The following RORA variants were observed in gnomAD, a reference collection of about 807,000 sequenced individuals.
RORA encodes the protein RAR related orphan receptor A.
A neutral mutation model predicts 69.5 loss-of-function variants in RORA; 7 were observed. The observed-to-expected ratio is 0.10, with a 90% CI of 0.06 to 0.19. The LOEUF is 0.19. Ranked by LOEUF, RORA falls within the 10% of genes least tolerant of loss-of-function variation. The pLI is 1.00. For synonymous variants in RORA, 261 were observed against 240.8 expected, an observed-to-expected ratio of 1.08 and a Z score of -0.78; for missense variants, 457 against 663.0, an observed-to-expected ratio of 0.69 and a Z score of 3.41.
At chr15:61,064,186 G>C (rs191573489) in intron 1 of RORA, among the ~76,000 whole-genome samples, 44 of 152,320 alleles carry the variant, frequency 2.9e-4, no homozygotes, top group African/African-American at 1.0e-3. Context: ...CAGGGAGGGA[G>C]TGCCTGTGTG....
At chr15:60,586,700 T>C (rs1023531802) in intron 2 of RORA, among the ~76,000 whole-genome samples, 3 of 152,192 alleles carry the variant, frequency 2.0e-5, no homozygotes, top group African/African-American at 7.2e-5. Flanking sequence ...TGTTCCAGCA[T>C]AACCAGATAA....
chr15:60,869,025 C>A (rs771857196), intron 1 of RORA, among the ~76,000 whole-genome samples: 1 of 152,142 alleles, frequency 6.6e-6, no homozygotes, highest in South Asian at 2.1e-4. Flanking sequence ...TTACCATCAA[C>A]CTCGGACCAA....
chr15:60,863,956 G>A (rs1029144745), intron 1 of RORA, among the ~76,000 whole-genome samples: 7 of 152,146 alleles, frequency 4.6e-5, no homozygotes, highest in African/African-American at 1.7e-4. Flanking sequence ...ACAGGTGCGT[G>A]CCACTGTGCC....
rs339970 is a variant in RORA at position 60,591,277 on chromosome 15, C to T, written c.197-59426G>A. Among the ~76,000 whole-genome samples the T allele has an allele frequency of 5.1e-3, 782 of 152,278 alleles. 8 individuals carry two copies. The highest frequency in any genetic ancestry group is 0.018 in the African/African-American group (750 of 41,540). On this transcript the variant is annotated intron_variant, in intron 2 of 10. Coordinates refer to ENST00000335670, the MANE Select transcript of RORA (RefSeq NM_134261.3). ...CGGGCAGATTATCCACGGCGAGGAA[C>T]CTGCGGGCGCACAAGCGGGCGGCGG...
At chr15:61,031,722 T>C (rs1041977312) in intron 1 of RORA, among the ~76,000 whole-genome samples, 8 of 152,180 alleles carry the variant, frequency 5.3e-5, no homozygotes, top group African/African-American at 1.2e-4. Flanking sequence ...TATCCATGCA[T>C]ATGTACATCT....
At chr15:60,907,952 G>A (rs141512647) in intron 1 of RORA, among the ~76,000 whole-genome samples, 4 of 152,274 alleles carry the variant, frequency 2.6e-5, no homozygotes, top group Non-Finnish European at 4.4e-5. Context: ...TTCTCTAATG[G>A]GACTCCCTTG....
chr15:61,099,798 T>A (rs1475557667), intron 1 of RORA, among the ~76,000 whole-genome samples: 1 of 152,208 alleles, frequency 6.6e-6, no homozygotes, highest in Non-Finnish European at 1.5e-5. Flanking sequence ...TGGTTTATCA[T>A]GAAATACTCA....
At chr15:61,218,353 G>A (rs1244022195) in intron 1 of RORA, among the ~76,000 whole-genome samples, 1 of 152,098 alleles carries the variant, frequency 6.6e-6, no homozygotes, top group Non-Finnish European at 1.5e-5. Context: ...CCGGCTAAAT[G>A]TGCCTGTCAA....
chr15:60,512,194 G>T (rs2065723443), intron 4 of RORA: 1 of 152,420 alleles, frequency 6.6e-6, no homozygotes, highest in Non-Finnish European at 1.5e-5. Flanking sequence ...TTACATCAGA[G>T]TACCTGACCT....
intron 1 of RORA, among the ~76,000 whole-genome samples, chr15:60,697,336 G>GT (rs1480714261): frequency 7.9e-5 from 12 of 152,052 alleles, no homozygotes; most frequent in Admixed American, 5.9e-4. Flanking sequence ...CCAACAAACT[G>GT]TTTTTTCAAA....
At chr15:60,798,368 T>TA (rs953499236) in intron 1 of RORA, among the ~76,000 whole-genome samples, 10 of 152,074 alleles carry the variant, frequency 6.6e-5, no homozygotes, top group African/African-American at 2.4e-4. Context: ...AAAATGAGTT[T>TA]AAAAAGCTTG....
chr15:60,501,119 GAGAAAAACC>G, intron 8 of RORA, 50 bp from the exon 9 acceptor site: 1 of 981,384 alleles, frequency 1.0e-6, no homozygotes, highest in Non-Finnish European at 1.6e-6. Context: ...ATTGTCTTAG[GAGAAAAACC>G]TAGGTCTTAG....
At chr15:60,840,008 C>G (rs1419420145) in intron 1 of RORA, among the ~76,000 whole-genome samples, 2 of 152,062 alleles carry the variant, frequency 1.3e-5, no homozygotes, top group Middle Eastern at 3.2e-3. Flanking sequence ...TTGTGGGTAG[C>G]AGGCAGGGGC....
At chr15:60,685,372 A>G (rs1435941613) in intron 1 of RORA, among the ~76,000 whole-genome samples, 1 of 152,220 alleles carries the variant, frequency 6.6e-6, no homozygotes, top group Non-Finnish European at 1.5e-5. Context: ...GTGCATGAAC[A>G]CTAGCTAAGA....
intron 1 of RORA, among the ~76,000 whole-genome samples, chr15:61,124,011 C>G (rs1483277741): frequency 6.6e-6 from 1 of 152,190 alleles, no homozygotes; most frequent in Non-Finnish European, 1.5e-5. Context: ...CCTCAGACTT[C>G]AAAACATACA....
chr15:60,948,035 T>C (rs1218435668), intron 1 of RORA, among the ~76,000 whole-genome samples: 2 of 152,194 alleles, frequency 1.3e-5, no homozygotes, highest in African/African-American at 4.8e-5. Flanking sequence ...AAGCCATTGT[T>C]TTTTGGCAGC....
intron 1 of RORA, among the ~76,000 whole-genome samples, chr15:60,994,726 T>C (rs913866043): frequency 2.6e-5 from 4 of 152,212 alleles, no homozygotes; most frequent in African/African-American, 9.6e-5. Context: ...GAGGGCACTG[T>C]AGGTGAGATT....
chr15:60,642,874 T>C lies in RORA; in HGVS notation c.196+35783A>G, dbSNP rs115708040. Among the ~76,000 whole-genome samples the C allele has an allele frequency of 5.4e-3, 819 of 152,168 alleles. 5 individuals are homozygous for C. Among genetic ancestry groups the C allele is most frequent in the African/African-American group, 0.019 (786 of 41,522 alleles). On this transcript the variant is annotated intron_variant, in intron 2 of 10. Transcript: ENST00000335670. ...CTGGGCAACAGAGAGAGACACTGTC[T>C]TTAAAAAATAAATACAGGCTGGGCC...
intron 1 of RORA, among the ~76,000 whole-genome samples, chr15:61,067,714 A>G (rs2078283938): frequency 6.6e-6 from 1 of 152,204 alleles, no homozygotes; most frequent in East Asian, 1.9e-4. Context: ...ACATGCTGTC[A>G]CCCTCAAAAT....
Sources: allele counts gnomAD v4.1 joint callset (sites outside exome capture counted in the v4.1 genomes callset), GRCh38; gene constraint gnomAD v4.1.1; transcripts MANE v1.5; gene names NCBI Gene and HGNC (gene_info 2026-07-23, HGNC 2026-07-21).